PSD3: variants seen among roughly 807,000 people sequenced by gnomAD.
PSD3 encodes the protein PH and SEC7 domain-containing protein 3.
Under a neutral mutation model 105.5 loss-of-function variants are expected in PSD3, and 49 were observed. The observed-to-expected ratio is 0.46, with a 90% CI of 0.37 to 0.59. PSD3 has a LOEUF of 0.59. PSD3 is among the 20% of genes least tolerant of loss of function. PSD3 has a pLI of 0.00. For missense variants in PSD3, 1,561 were observed against 1,263.8 expected (o/e 1.24, Z -3.57); for synonymous variants, 557 against 457.8 (o/e 1.22, Z -2.77).
At chr8:18,998,142 A>T (rs1266414915) in intron 1 of PSD3, among the ~76,000 whole-genome samples, 1 of 152,000 alleles carries the variant, frequency 6.6e-6, no homozygotes, top group African/African-American at 2.4e-5. Flanking sequence ...ACAGAACTGC[A>T]TATGACCTAT....
At chr8:18,948,734 T>C (rs961588312) in intron 1 of PSD3, among the ~76,000 whole-genome samples, 4 of 152,172 alleles carry the variant, frequency 2.6e-5, no homozygotes, top group Non-Finnish European at 4.4e-5. Flanking sequence ...CATGGTATCT[T>C]TGGTCATTTC....
chr8:18,539,356 C>G (rs1800022262), intron 15 of PSD3, among the ~76,000 whole-genome samples: 1 of 152,146 alleles, frequency 6.6e-6, no homozygotes, highest in Non-Finnish European at 1.5e-5. Flanking sequence ...TATTCTCTTT[C>G]TGGGCAGTAG....
At chr8:19,060,582 C>T (rs931238586) in intron 1 of PSD3, among the ~76,000 whole-genome samples, 3 of 152,136 alleles carry the variant, frequency 2.0e-5, no homozygotes, top group African/African-American at 7.2e-5. Flanking sequence ...TACAGTGAGC[C>T]ATGATTGCAC....
At chr8:18,793,404 G>A (rs1809924920) in intron 8 of PSD3, among the ~76,000 whole-genome samples, 1 of 147,654 alleles carries the variant, frequency 6.8e-6, no homozygotes, top group Admixed American at 6.7e-5. Context: ...TGGGTGACGA[G>A]ATGATCTGTG....
chr8:18,630,195 A>G (rs1806792797), intron 11 of PSD3, among the ~76,000 whole-genome samples: 1 of 151,628 alleles, frequency 6.6e-6, no homozygotes, highest in South Asian at 2.1e-4. Context: ...CTTGCTACAA[A>G]GACAAAAGCC....
chr8:19,017,847 G>A (rs1827225891), upstream of PSD3, among the ~76,000 whole-genome samples: 1 of 152,092 alleles, frequency 6.6e-6, no homozygotes, highest in Admixed American at 6.5e-5. Flanking sequence ...TTGGCTGTTA[G>A]GAATAACACT....
chr8:18,901,494 T>C (rs1819500335), intron 2 of PSD3, among the ~76,000 whole-genome samples: 1 of 152,236 alleles, frequency 6.6e-6, no homozygotes, highest in Non-Finnish European at 1.5e-5. Flanking sequence ...TGTTTGTATA[T>C]CCTTTGTTCC....
At chr8:18,708,941 G>T (rs1268450437) in intron 9 of PSD3, among the ~76,000 whole-genome samples, 3 of 152,152 alleles carry the variant, frequency 2.0e-5, no homozygotes, top group African/African-American at 7.2e-5. Context: ...CCCCACCAGG[G>T]AAACCACGCT....
At chr8:18,584,043 A>G (rs1269994702) in intron 12 of PSD3, among the ~76,000 whole-genome samples, 3 of 152,214 alleles carry the variant, frequency 2.0e-5, no homozygotes, top group Non-Finnish European at 2.9e-5. Context: ...GAGATATAAA[A>G]TAGGATGCCA....
At chr8:18,969,185 T>C (rs1412365459) in intron 1 of PSD3, among the ~76,000 whole-genome samples, 1 of 152,210 alleles carries the variant, frequency 6.6e-6, no homozygotes, top group Admixed American at 6.5e-5. Flanking sequence ...CTTACCTTAC[T>C]GGAATCTACT....
chr8:18,545,364 C>T (rs1296362055), intron 15 of PSD3, among the ~76,000 whole-genome samples: 2 of 152,120 alleles, frequency 1.3e-5, no homozygotes, highest in African/African-American at 4.8e-5. Flanking sequence ...TTCCAAAGGT[C>T]CCACCCAGCT....
chr8:18,837,594 C>T (rs1486137181), intron 4 of PSD3, among the ~76,000 whole-genome samples: 1 of 152,054 alleles, frequency 6.6e-6, no homozygotes, highest in African/African-American at 2.4e-5. Flanking sequence ...TTTTAATACT[C>T]ACTGGCAAAA....
At chr8:18,954,689 T>G (rs148979616) in intron 1 of PSD3, among the ~76,000 whole-genome samples, 179 of 152,216 alleles carry the variant, frequency 1.2e-3, no homozygotes, top group Middle Eastern at 6.8e-3. Flanking sequence ...AGTCCAGTGT[T>G]TCCTAAACTT....
chr8:18,780,452 G>A (rs1047147499), intron 8 of PSD3, among the ~76,000 whole-genome samples: 2 of 151,940 alleles, frequency 1.3e-5, no homozygotes, highest in African/African-American at 2.4e-5. Context: ...CTGTCATTTT[G>A]TGAATTATTT....
chr8:18,592,910 G>A (rs968925655), intron 12 of PSD3, among the ~76,000 whole-genome samples: 7 of 152,114 alleles, frequency 4.6e-5, no homozygotes, highest in African/African-American at 1.7e-4. Flanking sequence ...TGGGAAAACT[G>A]GCTAGCCATA....
intron 1 of PSD3, among the ~76,000 whole-genome samples, chr8:18,985,670 A>G (rs1222623273): frequency 2.0e-5 from 3 of 152,200 alleles, no homozygotes; most frequent in Admixed American, 2.0e-4. Flanking sequence ...TCCTAAAAAT[A>G]GCATTTTCTT....
At chr8:18,627,213 A>T (rs1055750515) in intron 11 of PSD3, among the ~76,000 whole-genome samples, 8 of 152,090 alleles carry the variant, frequency 5.3e-5, no homozygotes, top group Non-Finnish European at 8.8e-5. Context: ...AGGGTACCTA[A>T]ACAGAGCCTG....
rs201674867 is a variant in PSD3 at position 19,023,610 on chromosome 8, AT to A, written c.324+60595del. ...CCGCACCCCACTGAATATTATTTTA[AT>A]TTTTTTGTAGATAAAGGTTCTCACT... On this transcript the variant is annotated intron_variant, in intron 1 of 1. Coordinates refer to the PSD3 transcript ENST00000521475. 4.9e-4 allele frequency among the ~76,000 whole-genome samples: 74 copies of A among 151,782 alleles called. 1 individual carries two copies. The East Asian group carries it at 0.014, about 28-fold the overall frequency.
chr8:18,816,421 C>A (rs1812227662), intron 4 of PSD3, among the ~76,000 whole-genome samples: 1 of 152,188 alleles, frequency 6.6e-6, no homozygotes, highest in Non-Finnish European at 1.5e-5. Context: ...TGCATTCAGC[C>A]TCTTAACTAA....
Sources: gnomAD v4.1 joint callset for allele counts (sites outside exome capture counted in the v4.1 genomes callset) on GRCh38, gnomAD v4.1.1 for gene constraint, MANE v1.5 for transcripts, NCBI Gene and HGNC (gene_info 2026-07-23, HGNC 2026-07-21) for gene names.